The following ERBIN variants were observed in gnomAD, a reference collection of about 807,000 sequenced individuals.
ERBIN encodes the protein erbb2 interacting protein, also known as densin-180-like protein.
In ERBIN, 60 loss-of-function variants were observed where a neutral mutation model predicts 158.4. The ratio of observed to expected loss-of-function variants is 0.38; its 90% CI spans 0.31 to 0.47. The LOEUF is 0.47. Ranked by LOEUF, ERBIN falls within the 20% of genes least tolerant of loss-of-function variation. ERBIN has a pLI of 0.99. For synonymous variants in ERBIN, 594 were observed against 557.2 expected, an observed-to-expected ratio of 1.07 and a Z score of -0.93; for missense variants, 1,610 against 1,648.0, an observed-to-expected ratio of 0.98 and a Z score of 0.40.
intron 21 of ERBIN, among the ~76,000 whole-genome samples, chr5:66,062,711 G>A (rs1428142082): frequency 6.6e-6 from 1 of 152,076 alleles, no homozygotes; most frequent in African/African-American, 2.4e-5. Flanking sequence ...TGTACAGATG[G>A]GTTTTTGGTG....
chr5:65,970,093 G>A (rs16894629), intron 1 of ERBIN, among the ~76,000 whole-genome samples: 6,116 of 151,078 alleles, frequency 0.04, 418 homozygotes, highest in African/African-American at 0.14. Flanking sequence ...AATTGTCTAC[G>A]TCAAATTACA....
chr5:65,980,301 G>A (rs13186388), intron 1 of ERBIN, among the ~76,000 whole-genome samples: 26 of 152,088 alleles, frequency 1.7e-4, no homozygotes, highest in Non-Finnish European at 3.1e-4. Context: ...GGTGTCGGGC[G>A]CCTGTAGTCC....
chr5:65,945,019 T>A (rs1425142475), intron 1 of ERBIN, among the ~76,000 whole-genome samples: 1 of 152,244 alleles, frequency 6.6e-6, no homozygotes, highest in Non-Finnish European at 1.5e-5. Context: ...GAAAAAATTC[T>A]GTATCTTGAT....
intron 7 of ERBIN, among the ~76,000 whole-genome samples, chr5:66,016,832 C>T (rs1196868939): frequency 1.3e-5 from 2 of 152,056 alleles, no homozygotes; most frequent in Non-Finnish European, 2.9e-5. Flanking sequence ...TCAGACTGGT[C>T]TCGAACTCCT....
intron 1 of ERBIN, among the ~76,000 whole-genome samples, chr5:65,964,211 T>C (rs1748270995): frequency 6.6e-6 from 1 of 152,242 alleles, no homozygotes; most frequent in Admixed American, 6.5e-5. Flanking sequence ...ATATAACTAA[T>C]TAAGCAGTAG....
At chr5:65,953,212 T>G (rs1167419471) in intron 1 of ERBIN, among the ~76,000 whole-genome samples, 1 of 152,228 alleles carries the variant, frequency 6.6e-6, no homozygotes, top group Non-Finnish European at 1.5e-5. Flanking sequence ...TGCATACAGT[T>G]GACTCTTGGT....
rs2367919 is a variant in ERBIN at position 66,042,977 on chromosome 5, T to C, written c.1307-100T>C. On this transcript the variant is annotated intron_variant, in intron 15 of 25. Transcript: ENST00000284037. The stretch of plus-strand genomic sequence containing the variant: ...TGACCATTCTTAACTATTTTAGACT[T>C]ATTGTAGTGAACATAACTCATACAG... The C allele has an allele frequency of 0.011, 9,316 of 878,896 alleles. 618 individuals carry two copies. The African/African-American group carries it at 0.14, about 13-fold the overall frequency. The allele number at this position is 878,896 out of a possible 1,614,324, so 54.4% of individuals were successfully genotyped here.
intron 1 of ERBIN, among the ~76,000 whole-genome samples, chr5:65,932,566 C>CT (rs1305208742): frequency 1.3e-5 from 2 of 152,284 alleles, no homozygotes; most frequent in Middle Eastern, 3.4e-3. Flanking sequence ...CTTCCAGAGA[C>CT]TGTGGACTTC....
At chr5:66,033,425 T>A (rs1390385983) in intron 14 of ERBIN, among the ~76,000 whole-genome samples, 1 of 152,114 alleles carries the variant, frequency 6.6e-6, no homozygotes, top group African/African-American at 2.4e-5. Flanking sequence ...AGAGTAGCCA[T>A]AGAAGTAGAA....
chr5:65,975,336 C>T (rs1749736066), intron 1 of ERBIN, among the ~76,000 whole-genome samples: 1 of 152,030 alleles, frequency 6.6e-6, no homozygotes, highest in African/African-American at 2.4e-5. Context: ...AATGGAGTCT[C>T]ACTCTGTCAC....
chr5:65,980,389 C>T lies in ERBIN; in HGVS notation c.-57-8246C>T, dbSNP rs547461776. Among the ~76,000 whole-genome samples, 25 of 152,230 alleles carry T rather than the reference C, an allele frequency of 1.6e-4. No individual in the cohort carries two copies. In the South Asian group the frequency reaches 5.2e-3, roughly 32 times the overall value. ...GTTGCAGTGAGCCGAGATCATGCCA[C>T]TGCACTCCAGCCTGGATAACAAAGC... On this transcript the variant is annotated intron_variant, in intron 1 of 25. Coordinates refer to ENST00000284037, the MANE Select transcript of ERBIN (RefSeq NM_001253697.2).
chr5:65,995,141 A>G (rs1561347756), intron 4 of ERBIN, among the ~76,000 whole-genome samples: 1 of 152,196 alleles, frequency 6.6e-6, no homozygotes, highest in African/African-American at 2.4e-5. Context: ...AAGCACATGG[A>G]GAATAAATGT....
chr5:65,972,836 T>C (rs1749414656), intron 1 of ERBIN, among the ~76,000 whole-genome samples: 1 of 151,372 alleles, frequency 6.6e-6, no homozygotes. Context: ...GAGAGTGATC[T>C]AGCTTTCTTT....
intron 21 of ERBIN, among the ~76,000 whole-genome samples, chr5:66,056,821 C>G (rs2151248845): frequency 6.7e-6 from 1 of 149,910 alleles, no homozygotes; most frequent in East Asian, 2.1e-4. Flanking sequence ...TCCTGCCTTC[C>G]AGACCACTAG....
At chr5:66,076,971 T>TC in intron 25 of ERBIN, 22 bp downstream of exon 25, 1 of 1,502,540 alleles carries the variant, frequency 6.7e-7, no homozygotes. Context: ...AAATCTTTTT[T>TC]TTTTTCATTT....
chr5:65,972,176 T>C (rs1386391268), intron 1 of ERBIN, among the ~76,000 whole-genome samples: 2 of 152,196 alleles, frequency 1.3e-5, no homozygotes, highest in Admixed American at 6.5e-5. Context: ...ACTCTTAGCA[T>C]TGAAATATTA....
At chr5:66,077,256 T>C (rs999003024) in intron 25 of ERBIN, among the ~76,000 whole-genome samples, 3 of 152,240 alleles carry the variant, frequency 2.0e-5, no homozygotes, top group African/African-American at 7.2e-5. Flanking sequence ...TTCTTGGATG[T>C]GGGCTATTGT....
intron 9 of ERBIN, 41 bp downstream of exon 9, chr5:66,023,405 C>A: frequency 1.5e-6 from 2 of 1,337,696 alleles, no homozygotes; most frequent in Non-Finnish European, 2.1e-6. Context: ...TTATTTCTGG[C>A]TCTCCTTTGC....
intron 2 of ERBIN, among the ~76,000 whole-genome samples, chr5:65,992,413 C>A (rs1404438932): frequency 6.6e-6 from 1 of 152,092 alleles, no homozygotes; most frequent in East Asian, 1.9e-4. Context: ...TCCCAAAGTG[C>A]TGGGATTACA....
Sources: allele counts gnomAD v4.1 joint callset (sites outside exome capture counted in the v4.1 genomes callset), GRCh38; gene constraint gnomAD v4.1.1; transcripts MANE v1.5; gene names NCBI Gene and HGNC (gene_info 2026-07-23, HGNC 2026-07-21).